The following AOAH variants were observed in gnomAD, a reference collection of about 807,000 sequenced individuals.
The protein encoded by AOAH is acyloxyacyl hydrolase, also known as acyloxyacyl hydrolase (neutrophil).
A neutral mutation model predicts 92.2 loss-of-function variants in AOAH; 64 were observed. That is an observed-to-expected ratio of 0.69 (90% CI 0.57 to 0.86). The LOEUF (loss-of-function observed/expected upper bound fraction) is 0.86, where lower values mean the gene tolerates loss of function less well. Among genes scored for constraint, AOAH ranks in the 40% least tolerant of loss-of-function variants. The pLI is 0.00. For synonymous variants in AOAH, 263 were observed against 254.5 expected, an observed-to-expected ratio of 1.03 and a Z score of -0.32; for missense variants, 656 against 694.6, an observed-to-expected ratio of 0.94 and a Z score of 0.62.
At chr7:36,636,518 T>G (rs1413145635) in intron 5 of AOAH, among the ~76,000 whole-genome samples, 1 of 152,212 alleles carries the variant, frequency 6.6e-6, no homozygotes, top group Non-Finnish European at 1.5e-5. Flanking sequence ...AAGGGGGTGG[T>G]CAAGAGTTTC....
intron 1 of AOAH, among the ~76,000 whole-genome samples, chr7:36,717,988 C>T (rs538557235): frequency 1.6e-4 from 25 of 151,886 alleles, no homozygotes; most frequent in African/African-American, 4.6e-4. Context: ...AAATTTTGTT[C>T]GTGAAAGGAC....
rs551869725 is a variant in AOAH at position 36,672,573 on chromosome 7, G to A, written c.290+1370C>T. ...CTCATAAGTGGGAGTTGAACAATGCGAACACATGGACACAGGGAGGGGAAC... is the reference window on the plus strand; with the variant it reads ...CTCATAAGTGGGAGTTGAACAATGCAAACACATGGACACAGGGAGGGGAAC... On this transcript the variant is annotated intron_variant, in intron 3 of 20. Transcript: ENST00000617537. 8.5e-5 allele frequency among the ~76,000 whole-genome samples: 13 copies of A among 152,218 alleles called. No individual in the cohort carries two copies. In the South Asian group the frequency reaches 2.1e-3, roughly 24 times the overall value.
intron 1 of AOAH, among the ~76,000 whole-genome samples, chr7:36,699,353 C>T (rs934109341): frequency 1.4e-4 from 21 of 151,928 alleles, no homozygotes; most frequent in Admixed American, 9.2e-4. Context: ...TATGGTAGTT[C>T]TATTTTCAGT....
intron 13 of AOAH, among the ~76,000 whole-genome samples, chr7:36,562,661 G>C (rs895769558): frequency 6.6e-6 from 1 of 152,058 alleles, no homozygotes; most frequent in African/African-American, 2.4e-5. Flanking sequence ...CTCCATAAAT[G>C]CATATTCAGA....
At chr7:36,561,379 G>C (rs541499374) in intron 13 of AOAH, among the ~76,000 whole-genome samples, 2 of 152,112 alleles carry the variant, frequency 1.3e-5, no homozygotes, top group Non-Finnish European at 2.9e-5. Context: ...CAACCCCAAT[G>C]CTCGAAAACA....
At chr7:36,521,192 G>GT (rs1257165804) in intron 20 of AOAH, among the ~76,000 whole-genome samples, 1 of 152,100 alleles carries the variant, frequency 6.6e-6, no homozygotes, top group African/African-American at 2.4e-5. Flanking sequence ...TGTACCCTTT[G>GT]GTAGCCACAC....
Position 36,594,370 on chromosome 7 carries a change from C to A in AOAH, c.907G>T (p.Gly303Cys), listed in dbSNP as rs758244202. 11 of 1,613,898 alleles carry A rather than the reference C, an allele frequency of 6.8e-6. No individual in the cohort carries two copies. In the African/African-American group the frequency reaches 1.2e-4, roughly 18 times the overall value. The change falls in exon 12 of 21, where the codon GGT (glycine) becomes TGT (cysteine). Residue 303 changes from glycine (G) to cysteine (C), a missense_variant. Gly to Cys is a radical substitution (Grantham distance 159, BLOSUM62 -3). Transcript: ENST00000617537. ...TNELDWPQLS[G>C]ATGFLDSTVG... Reference sequence around the variant, plus strand: ...GTGGAGTCCAGAAATCCTGTAGCACCAGAGAGTTGGGGCCAGTCAAGCTCG... The same window carrying A: ...GTGGAGTCCAGAAATCCTGTAGCACAAGAGAGTTGGGGCCAGTCAAGCTCG...
chr7:36,573,568 A>T (rs1788283403), intron 13 of AOAH, among the ~76,000 whole-genome samples: 1 of 152,048 alleles, frequency 6.6e-6, no homozygotes, highest in Admixed American at 6.5e-5. Flanking sequence ...AAATACAAAA[A>T]ATAGCTGAGC....
At chr7:36,633,606 G>A (rs1562642533) in intron 5 of AOAH, among the ~76,000 whole-genome samples, 1 of 152,162 alleles carries the variant, frequency 6.6e-6, no homozygotes, top group Non-Finnish European at 1.5e-5. Context: ...CGGAATGGCA[G>A]AATGCAGTGA....
At chr7:36,604,813 C>T (rs1790880204) in intron 11 of AOAH, among the ~76,000 whole-genome samples, 2 of 152,232 alleles carry the variant, frequency 1.3e-5, no homozygotes, top group African/African-American at 4.8e-5. Flanking sequence ...GTGACCACAG[C>T]TGAGCCCATA....
chr7:36,646,849 CCCAGATAAT>C (rs1396869141), intron 4 of AOAH, among the ~76,000 whole-genome samples: 1 of 152,160 alleles, frequency 6.6e-6, no homozygotes, highest in East Asian at 1.9e-4. Context: ...ATCAGGCTTA[CCCAGATAAT>C]CCAGGACAAT....
At chr7:36,680,957 T>C (rs1796604247) in intron 2 of AOAH, among the ~76,000 whole-genome samples, 1 of 152,208 alleles carries the variant, frequency 6.6e-6, no homozygotes. Flanking sequence ...GCTAAGATGG[T>C]ACCTTGAACC....
At chr7:36,586,565 C>T (rs1003692532) in intron 12 of AOAH, among the ~76,000 whole-genome samples, 6 of 152,210 alleles carry the variant, frequency 3.9e-5, no homozygotes, top group Non-Finnish European at 7.3e-5. Context: ...GTCAGCATCT[C>T]CTAGCCTCTC....
intron 3 of AOAH, among the ~76,000 whole-genome samples, chr7:36,667,556 G>A (rs915778045): frequency 1.3e-5 from 2 of 152,156 alleles, no homozygotes; most frequent in Non-Finnish European, 2.9e-5. Context: ...ATCCACTGGT[G>A]GTCTTGGAAC....
chr7:36,633,183 T>G (rs1793258282), intron 5 of AOAH, among the ~76,000 whole-genome samples: 1 of 152,214 alleles, frequency 6.6e-6, no homozygotes, highest in East Asian at 1.9e-4. Flanking sequence ...TGTGACTCAG[T>G]GCGGGCCACA....
chr7:36,516,748 C>A lies in AOAH; in HGVS notation c.1600-3368G>T, dbSNP rs1359032426. Among the ~76,000 whole-genome samples the A allele has an allele frequency of 6.6e-6, 1 of 152,136 alleles. No homozygotes were observed. The highest frequency in any genetic ancestry group is 1.5e-5 in the Non-Finnish European group (1 of 68,040). ...TGTTATTGGCTTTCAACTTGATACACCTAAGCTCTTTCTAACAATTATGTG... is the reference window on the plus strand; with the variant it reads ...TGTTATTGGCTTTCAACTTGATACAACTAAGCTCTTTCTAACAATTATGTG... On this transcript the variant is annotated intron_variant, in intron 20 of 20. Transcript: ENST00000617537. This position sits in a 1 kb window ranked among gnomAD's most constrained non-coding sequence, Gnocchi z 5.0.
Position 36,513,334 on chromosome 7 carries a change from A to G in AOAH, c.1646T>C (p.Leu549Pro), listed in dbSNP as rs1790153031. ...LADHFWKKVQ[L>P]QWPQILGKEN... ...CTTTCCCAGGATTTGGGGCCACTGGAGCTGCACCTTTTTCCAGAAATGATC... is the reference window on the plus strand; with the variant it reads ...CTTTCCCAGGATTTGGGGCCACTGGGGCTGCACCTTTTTCCAGAAATGATC... The change falls in exon 21 of 21, where the codon CTC (leucine) becomes CCC (proline). Residue 549 changes from leucine (L) to proline (P), a missense_variant. Physicochemically the swap from Leu to Pro is moderately conservative, Grantham distance 98. Coordinates refer to ENST00000617537, the MANE Select transcript of AOAH (RefSeq NM_001637.4). 6.2e-7 allele frequency: 1 copy of G among 1,614,134 alleles called. No homozygotes were observed. The highest frequency in any genetic ancestry group is 2.2e-5 in the East Asian group (1 of 44,878).
intron 12 of AOAH, among the ~76,000 whole-genome samples, chr7:36,592,485 C>T (rs1315469876): frequency 6.6e-6 from 1 of 152,166 alleles, no homozygotes; most frequent in Admixed American, 6.6e-5. Context: ...GTCATTTCTC[C>T]ATCCCATAGC....
chr7:36,621,581 C>T (rs540149275), intron 8 of AOAH, 129 bp downstream of exon 8: 55 of 917,472 alleles, frequency 6.0e-5, no homozygotes, highest in Admixed American at 1.9e-4. Context: ...CTGAGCTTTA[C>T]TTCAATCGGA....
Sources: gnomAD v4.1 joint callset for allele counts (sites outside exome capture counted in the v4.1 genomes callset) on GRCh38, gnomAD v4.1.1 for gene constraint, Gnocchi (gnomAD v3.1) non-coding constraint, MANE v1.5 for transcripts, NCBI Gene and HGNC (gene_info 2026-07-23, HGNC 2026-07-21) for gene names.